The following ZCWPW1 variants were observed in gnomAD, a reference collection of about 807,000 sequenced individuals.
ZCWPW1 encodes the protein zinc finger CW-type and PWWP domain containing 1.
Under a neutral mutation model 81.3 loss-of-function variants are expected in ZCWPW1, and 56 were observed. The observed-to-expected ratio is 0.69, with a 90% CI of 0.56 to 0.86. The LOEUF (loss-of-function observed/expected upper bound fraction) is 0.86. Ranked by LOEUF, ZCWPW1 falls within the 40% of genes least tolerant of loss-of-function variation. The pLI is 0.00. For synonymous variants in ZCWPW1, 250 were observed against 273.7 expected, an observed-to-expected ratio of 0.91 and a Z score of 0.86; for missense variants, 650 against 769.8, an observed-to-expected ratio of 0.84 and a Z score of 1.84.
Position 100,404,229 on chromosome 7 carries a change from A to G in ZCWPW1, c.1270T>C (p.Phe424Leu), listed in dbSNP as rs1309084490. 2.5e-6 allele frequency: 4 copies of G among 1,614,098 alleles called. No individual in the cohort carries two copies. The South Asian group carries it at 4.4e-5, about 18-fold the overall frequency. The change falls in exon 14 of 18, where the codon TTT becomes CTT. Residue 424 changes from phenylalanine to leucine, a missense_variant. Transcript: ENST00000684423. The part of the protein sequence containing the change: ...QISIQERVNL[F>L]GFWSRFNGSN... ...CCGTTGAATCGGCTCCAGAAACCAA[A>G]CAAGTTAACCCGTTCCTAAGGGAAC... is the stretch of plus-strand genomic sequence containing the variant.
intron 16 of ZCWPW1, among the ~76,000 whole-genome samples, 158 bp from the exon 17 acceptor site, chr7:100,402,199 T>C (rs1033356303): frequency 7.2e-5 from 11 of 152,106 alleles, no homozygotes; most frequent in African/African-American, 2.7e-4. Flanking sequence ...CAACATCTTT[T>C]CCCCCCAATT....
chr7:100,415,965 C>G lies in ZCWPW1; in HGVS notation c.754+10G>C, dbSNP rs1246675227. On this transcript the variant is annotated intron_variant, in intron 8 of 17. Transcript: ENST00000684423. Reference sequence around the variant, plus strand: ...AGGCCAAGTAGGTTTGCCAAACCAGCTAAACTCACCAAAACCACTTATCTC... The same window carrying G: ...AGGCCAAGTAGGTTTGCCAAACCAGGTAAACTCACCAAAACCACTTATCTC... The G allele has an allele frequency of 6.2e-7, 1 of 1,614,000 alleles. No individual in the cohort carries two copies. Among genetic ancestry groups the G allele is most frequent in the Non-Finnish European group, 8.5e-7 (1 of 1,179,982 alleles).
chr7:100,406,706 C>T lies in ZCWPW1; in HGVS notation c.1161G>A (p.Glu387=). The T allele has an allele frequency of 6.2e-7, 1 of 1,613,938 alleles. No individual in the cohort carries two copies. The highest frequency in any genetic ancestry group is 1.3e-5 in the African/African-American group (1 of 75,046). Residue 387 remains glutamate (E), a synonymous_variant, in exon 12 of 18, where the codon GAG becomes GAA. Transcript: ENST00000684423. ...AAGATGTGCTCACCATGACTGATAGCTCCAGGGACAGCTCCTGGAAGTTCT... is the reference window on the plus strand; with the variant it reads ...AAGATGTGCTCACCATGACTGATAGTTCCAGGGACAGCTCCTGGAAGTTCT... The part of the protein sequence containing the change: ...MLKNFQELSL[E]LSVMKKRRND...
In ZCWPW1 at chr7:100,405,042, C is replaced by A. The variant is rs778340456; in HGVS notation, c.1225G>T (p.Ala409Ser). ...ATGCTGATCTGTTCTGCCTCTTGAGCCATCATCAGGGCCACCCCCAGTTTC... is the reference window on the plus strand; with the variant it reads ...ATGCTGATCTGTTCTGCCTCTTGAGACATCATCAGGGCCACCCCCAGTTTC... ...SQKLGVALMM[A>S]QEAEQISIQE... Residue 409 changes from alanine to serine, a missense_variant, in exon 13 of 18, where the codon GCT becomes TCT. Ala to Ser is a moderately conservative substitution (Grantham distance 99, BLOSUM62 1). Transcript: ENST00000684423. The A allele has an allele frequency of 8.7e-6, 14 of 1,613,358 alleles. No homozygotes were observed. The highest frequency in any genetic ancestry group is 1.2e-5 in the Non-Finnish European group (14 of 1,179,778).
At chr7:100,422,902 G>C (rs571399246) in intron 2 of ZCWPW1, among the ~76,000 whole-genome samples, 2 of 152,194 alleles carry the variant, frequency 1.3e-5, no homozygotes, top group East Asian at 3.8e-4. Context: ...TTGCTGCAAA[G>C]GACATGATCT....
At chr7:100,402,832 T>C (rs1406317982) in intron 15 of ZCWPW1, among the ~76,000 whole-genome samples, 1 of 152,182 alleles carries the variant, frequency 6.6e-6, no homozygotes, top group South Asian at 2.1e-4. Flanking sequence ...TAAAAATTGC[T>C]AAATTAAAAA....
intron 12 of ZCWPW1, among the ~76,000 whole-genome samples, chr7:100,405,946 A>G (rs1351404587): frequency 6.6e-6 from 1 of 152,154 alleles, no homozygotes; most frequent in Non-Finnish European, 1.5e-5. Context: ...TTCAACCAAC[A>G]TTTTGGTGTC....
chr7:100,404,640 G>A (rs761634684), intron 13 of ZCWPW1, among the ~76,000 whole-genome samples: 6 of 152,058 alleles, frequency 3.9e-5, no homozygotes, highest in African/African-American at 2.4e-5. Context: ...GATTACAGGC[G>A]TGAACCCCCT....
At chr7:100,428,489 T>C (rs1179439044) in intron 1 of ZCWPW1, 79 bp downstream of exon 1, 1 of 152,416 alleles carries the variant, frequency 6.6e-6, no homozygotes, top group East Asian at 1.9e-4. Context: ...TACTAACTTT[T>C]CTGTTTCAGA....
chr7:100,409,647 C>A (rs2130572979), intron 8 of ZCWPW1, 103 bp from the exon 9 acceptor site: 1 of 794,292 alleles, frequency 1.3e-6, no homozygotes, highest in South Asian at 1.7e-5. Flanking sequence ...AATGACATAG[C>A]CAGAGAGACA....
Position 100,401,917 on chromosome 7 carries a change from G to T in ZCWPW1, c.1599C>A (p.Gly533=). 6.2e-7 allele frequency: 1 copy of T among 1,613,880 alleles called. No individual in the cohort carries two copies. Among genetic ancestry groups the T allele is most frequent in the South Asian group, 1.1e-5 (1 of 91,054 alleles). The part of the protein sequence containing the change: ...PPAPRMGRKE[G]QGNSDSDQPG... ...GCTGGTCAGAATCTGAATTCCCTTG[G>T]CCTTCTTTCCTTCCCATTCTGGGTG... The change falls in exon 17 of 18, where the codon GGC becomes GGA. Residue 533 remains glycine, a synonymous_variant. Transcript: ENST00000684423.
chr7:100,408,620 C>T lies in ZCWPW1; in HGVS notation c.911G>A (p.Trp304Ter), dbSNP rs756100160. The change falls in exon 10 of 18, where the codon TGG (tryptophan) becomes TAG (stop). Residue 304 changes from tryptophan (W) to a stop codon, truncating the protein, a stop_gained. Coordinates refer to ENST00000684423, the MANE Select transcript of ZCWPW1 (RefSeq NM_001386010.1). LOFTEE classifies it high-confidence loss of function. ...GGCCACATCACTCTCAAGCCCTGTC[C>T]AGGTCTCCTCAGGAATATCACAGCG... ...YNRCDIPEET[W>*]TGLESDVAYA... is the part of the protein sequence containing the mutation. The T allele has an allele frequency of 4.3e-6, 7 of 1,613,894 alleles. No homozygotes were observed. In the Admixed American group the frequency reaches 1.2e-4, roughly 27 times the overall value.
At chr7:100,423,062 A>T (rs183787097) in intron 2 of ZCWPW1, among the ~76,000 whole-genome samples, 20 of 152,302 alleles carry the variant, frequency 1.3e-4, no homozygotes, top group African/African-American at 4.8e-4. Flanking sequence ...TAACCATTAT[A>T]AAAAGCATTA....
chr7:100,415,372 T>C (rs1795027495), intron 8 of ZCWPW1, among the ~76,000 whole-genome samples: 1 of 152,046 alleles, frequency 6.6e-6, no homozygotes, highest in African/African-American at 2.4e-5. Context: ...TGAGCCACCA[T>C]GCCCAGCCTC....
chr7:100,417,263 G>A, intron 5 of ZCWPW1, 80 bp from the exon 6 acceptor site: 1 of 1,092,966 alleles, frequency 9.1e-7, no homozygotes, highest in Non-Finnish European at 1.4e-6. Context: ...TTTCTCTAAA[G>A]TGTCTTCTCC....
chr7:100,426,706 CTTCT>C (rs972993775), intron 1 of ZCWPW1, among the ~76,000 whole-genome samples: 15 of 141,846 alleles, frequency 1.1e-4, no homozygotes, highest in Admixed American at 6.3e-4. Flanking sequence ...TTCTTCCCTC[CTTCT>C]GTCTCCCTTT....
chr7:100,416,945 C>CAAAAA, intron 6 of ZCWPW1, 121 bp downstream of exon 6: 4 of 583,464 alleles, frequency 6.9e-6, no homozygotes, highest in East Asian at 3.3e-5. Context: ...GACTCCGTCT[C>CAAAAA]AAAAAAAAAA....
intron 13 of ZCWPW1, 67 bp downstream of exon 13, chr7:100,404,944 GGA>G (rs1792674234): frequency 8.6e-6 from 13 of 1,513,848 alleles, no homozygotes. Context: ...ATCTTTGTCT[GGA>G]CTGAGAAAGA....
At chr7:100,404,931 A>T in intron 13 of ZCWPW1, 82 bp downstream of exon 13, 1 of 1,449,294 alleles carries the variant, frequency 6.9e-7, no homozygotes, top group Non-Finnish European at 9.5e-7. Flanking sequence ...CCTAGCACAA[A>T]CCATCTTTGT....
Sources: gnomAD v4.1 joint callset for allele counts (sites outside exome capture counted in the v4.1 genomes callset) on GRCh38, gnomAD v4.1.1 for gene constraint, MANE v1.5 for transcripts, NCBI Gene and HGNC (gene_info 2026-07-23, HGNC 2026-07-21) for gene names.